FILIP1: variants seen among roughly 807,000 people sequenced by gnomAD.
The protein encoded by FILIP1 is filamin A interacting protein 1, also known as filamin-A-interacting protein 1.
In FILIP1, 61 loss-of-function variants were observed where a neutral mutation model predicts 102.1. The ratio of observed to expected loss-of-function variants is 0.60; its 90% confidence interval spans 0.49 to 0.74. FILIP1 has a LOEUF of 0.74. FILIP1 is among the 30% of genes least tolerant of loss of function. The pLI, the probability that FILIP1 is intolerant of heterozygous loss-of-function variation, is 0.00. For missense variants in FILIP1, 1,314 were observed against 1,441.2 expected (o/e 0.91, Z 1.43); for synonymous variants, 491 against 526.9 (o/e 0.93, Z 0.93).
At chr6:75,423,476 A>G (rs888733430) in intron 1 of FILIP1, among the ~76,000 whole-genome samples, 7 of 152,268 alleles carry the variant, frequency 4.6e-5, no homozygotes, top group African/African-American at 1.7e-4. Flanking sequence ...ACTTGCACCA[A>G]AAAAAGGTCA....
chr6:75,313,621 T>C lies in FILIP1; in HGVS notation c.2211A>G (p.Lys737=). ...CCTGGAGCTGAGAAAGCTGATCTTC[T>C]TTGTTCATTAATTCGTGAATCTTCT... ...LKEKIHELMN[K]EDQLSQLQVD... is the part of the protein sequence containing the mutation. The change falls in exon 5 of 6, where the codon AAA becomes AAG. Residue 737 remains lysine, a synonymous_variant. Coordinates refer to ENST00000237172, the MANE Select transcript of FILIP1 (RefSeq NM_015687.5). This position sits in a 1 kb window ranked among gnomAD's most constrained non-coding sequence, Gnocchi z 4.2. The C allele has an allele frequency of 6.2e-7, 1 of 1,602,906 alleles. No homozygotes were observed. The highest frequency in any genetic ancestry group is 1.1e-5 in the South Asian group (1 of 88,590).
At chr6:75,372,685 GAGA>G (rs1775582836) in intron 2 of FILIP1, among the ~76,000 whole-genome samples, 4 of 23,424 alleles carry the variant, frequency 1.7e-4, no homozygotes, top group African/African-American at 2.5e-4. Flanking sequence ...AAGAAAGAAA[GAGA>G]AAGAAAGAGA....
At chr6:75,471,198 T>C (rs1009498245) in intron 1 of FILIP1, among the ~76,000 whole-genome samples, 1 of 146,740 alleles carries the variant, frequency 6.8e-6, no homozygotes, top group African/African-American at 2.5e-5. Context: ...ATATAATGAG[T>C]TTTACTACAT....
At chr6:75,436,425 C>T (rs1778024166) in intron 1 of FILIP1, among the ~76,000 whole-genome samples, 1 of 151,462 alleles carries the variant, frequency 6.6e-6, no homozygotes, top group Non-Finnish European at 1.5e-5. Flanking sequence ...ACTGTATGCA[C>T]CAAAGTTGGA....
At chr6:75,488,861 T>C (rs1299508623) in intron 1 of FILIP1, among the ~76,000 whole-genome samples, 3 of 152,154 alleles carry the variant, frequency 2.0e-5, no homozygotes, top group Non-Finnish European at 4.4e-5. Context: ...ACACTTTTTG[T>C]TTGTCTTGGA....
At chr6:75,419,904 C>T (rs935644359) in intron 1 of FILIP1, among the ~76,000 whole-genome samples, 1 of 152,112 alleles carries the variant, frequency 6.6e-6, no homozygotes, top group Non-Finnish European at 1.5e-5. Context: ...CCCAAGTTGC[C>T]TCTAAATTTT....
rs549880327 is a variant in FILIP1 at position 75,370,638 on chromosome 6, A to G, written c.277-7721T>C. On this transcript the variant is annotated intron_variant, in intron 2 of 5. Coordinates refer to ENST00000237172, the MANE Select transcript of FILIP1 (RefSeq NM_015687.5). ...GTCGCCCAGGCTGGAATGCAGTGGCATGATCTCAGCTCACTGCAACCTCCA... is the reference window on the plus strand; with the variant it reads ...GTCGCCCAGGCTGGAATGCAGTGGCGTGATCTCAGCTCACTGCAACCTCCA... Among the ~76,000 whole-genome samples the G allele has an allele frequency of 4.0e-4, 54 of 134,074 alleles. No individual in the cohort carries two copies. The South Asian group carries it at 0.011, about 28-fold the overall frequency. 88.0% of individuals were successfully genotyped at this position (134,074 alleles called of 152,430 possible).
At chr6:75,366,215 T>C (rs1002660121) in intron 2 of FILIP1, 2 of 152,238 alleles carry the variant, frequency 1.3e-5, no homozygotes, top group Admixed American at 6.5e-5. Context: ...ATATGGTCTT[T>C]CCACAAATGA....
At chr6:75,457,979 C>G (rs1426234849) in intron 1 of FILIP1, among the ~76,000 whole-genome samples, 3 of 152,048 alleles carry the variant, frequency 2.0e-5, no homozygotes, top group Non-Finnish European at 2.9e-5. Flanking sequence ...ACCACCTCAC[C>G]CACCCCACCA....
intron 1 of FILIP1, among the ~76,000 whole-genome samples, chr6:75,484,156 A>G (rs1020999109): frequency 1.3e-5 from 2 of 152,262 alleles, no homozygotes; most frequent in Middle Eastern, 3.4e-3. Flanking sequence ...GAAAGTAATC[A>G]AAAATCCTTA....
chr6:75,372,406 G>A (rs893059590), intron 2 of FILIP1, among the ~76,000 whole-genome samples: 37 of 143,464 alleles, frequency 2.6e-4, no homozygotes, highest in African/African-American at 9.0e-4. Flanking sequence ...TCCATATCTA[G>A]AATATTGAAG....
In FILIP1 at chr6:75,362,725, G is replaced by T; in HGVS notation, c.450+19C>A. 1 of 1,609,346 alleles carries T rather than the reference G, an allele frequency of 6.2e-7. No homozygotes were observed. ...CCTGAGGTTCCCATCCAGGGGACTT[G>T]TTGGTGTCATATTTTTACCTCTGAA... On this transcript the variant is annotated intron_variant, in intron 3 of 5. Transcript: ENST00000237172.
chr6:75,358,065 A>G (rs540886829), intron 3 of FILIP1, among the ~76,000 whole-genome samples: 1 of 152,240 alleles, frequency 6.6e-6, no homozygotes, highest in Non-Finnish European at 1.5e-5. Context: ...TGAGATAATC[A>G]TAACACCAAA....
intron 2 of FILIP1, among the ~76,000 whole-genome samples, chr6:75,369,670 G>T (rs747065849): frequency 5.3e-5 from 8 of 152,198 alleles, no homozygotes; most frequent in Admixed American, 2.0e-4. Context: ...AAACGGGGAT[G>T]GAATGCCCAC....
intron 1 of FILIP1, among the ~76,000 whole-genome samples, chr6:75,456,764 T>G (rs906744604): frequency 6.6e-6 from 1 of 152,140 alleles, no homozygotes; most frequent in African/African-American, 2.4e-5. Context: ...TTCACCATGT[T>G]GGCCAGGATG....
At chr6:75,343,167 G>C (rs1028322328) in intron 4 of FILIP1, among the ~76,000 whole-genome samples, 1 of 152,148 alleles carries the variant, frequency 6.6e-6, no homozygotes, top group East Asian at 1.9e-4. Context: ...AAAAGCCCAC[G>C]TGAGCACACA....
intron 2 of FILIP1, among the ~76,000 whole-genome samples, chr6:75,377,092 T>C (rs1160709627): frequency 6.6e-6 from 1 of 152,136 alleles, no homozygotes; most frequent in Non-Finnish European, 1.5e-5. Context: ...ATATGAAGGA[T>C]GCAACCAAAG....
At chr6:75,347,645 T>A (rs1023529098) in intron 4 of FILIP1, among the ~76,000 whole-genome samples, 2 of 151,886 alleles carry the variant, frequency 1.3e-5, no homozygotes, top group Non-Finnish European at 2.9e-5. Context: ...TCCTATAAAG[T>A]GGATCAAGAA....
intron 6 of FILIP1, among the ~76,000 whole-genome samples, chr6:75,301,780 C>T (rs75948913): frequency 0.025 from 3,760 of 152,180 alleles, 150 homozygotes; most frequent in African/African-American, 0.086. Context: ...GGTTACACAA[C>T]CTTTTGGTGG....
Sources: allele counts gnomAD v4.1 joint callset (sites outside exome capture counted in the v4.1 genomes callset), GRCh38; gene constraint gnomAD v4.1.1; non-coding constraint Gnocchi (gnomAD v3.1); transcripts MANE v1.5; gene names NCBI Gene and HGNC (gene_info 2026-07-23, HGNC 2026-07-21).